Variants in BTBD1 observed in about 807,000 individuals in gnomAD.
The protein encoded by BTBD1 is BTB/POZ domain-containing protein 1.
In BTBD1, 34 loss-of-function variants were observed where a neutral mutation model predicts 48.0. The ratio of observed to expected loss-of-function variants is 0.71; its 90% CI spans 0.54 to 0.94. The LOEUF is 0.94. Among genes scored for constraint, BTBD1 ranks in the 40% least tolerant of loss-of-function variants. The probability of loss-of-function intolerance (pLI) is 0.00; values close to 1 mark genes in which losing one functional copy is unlikely to be tolerated. For synonymous variants in BTBD1, 261 were observed against 242.1 expected, an observed-to-expected ratio of 1.08 and a Z score of -0.72; for missense variants, 543 against 625.6, an observed-to-expected ratio of 0.87 and a Z score of 1.41.
intron 4 of BTBD1, among the ~76,000 whole-genome samples, chr15:83,033,832 C>T (rs941726558): frequency 6.6e-6 from 1 of 152,080 alleles, no homozygotes; most frequent in Non-Finnish European, 1.5e-5. Context: ...CCTGCCTCAG[C>T]CTCCCAAAGT....
At chr15:83,040,424 T>C (rs917023852) in intron 4 of BTBD1, among the ~76,000 whole-genome samples, 1 of 152,150 alleles carries the variant, frequency 6.6e-6, no homozygotes, top group African/African-American at 2.4e-5. Context: ...TCATGAGAGC[T>C]AGGCACAGTG....
intron 4 of BTBD1, among the ~76,000 whole-genome samples, chr15:83,036,007 T>G (rs1383404059): frequency 6.6e-6 from 1 of 151,018 alleles, no homozygotes; most frequent in Non-Finnish European, 1.5e-5. Context: ...CAACCAAGTC[T>G]GATTTACGTA....
chr15:83,040,640 C>T (rs1017413826), intron 4 of BTBD1, among the ~76,000 whole-genome samples: 7 of 134,810 alleles, frequency 5.2e-5, no homozygotes, highest in East Asian at 4.8e-4. Context: ...ATGGACGTTG[C>T]GGTGAGCTGA....
chr15:83,030,102 C>T (rs760474429), intron 5 of BTBD1, 34 bp downstream of exon 5: 1 of 1,594,738 alleles, frequency 6.3e-7, no homozygotes, highest in Non-Finnish European at 8.6e-7. Flanking sequence ...CTGCTACCCC[C>T]ACTCTACCCC....
intron 2 of BTBD1, among the ~76,000 whole-genome samples, chr15:83,056,138 C>A (rs2033077582): frequency 6.6e-6 from 1 of 152,068 alleles, no homozygotes; most frequent in Non-Finnish European, 1.5e-5. Flanking sequence ...CTCCTGACCT[C>A]AAGTGATCTA....
Position 83,048,942 on chromosome 15 carries a change from C to T in BTBD1, c.664+1131G>A, listed in dbSNP as rs538461756. ...GTGGTGGGTTAAATCCAGGAATAAA[C>T]GTTTACAAAGTGAAAATTTTGAGGA... On this transcript the variant is annotated intron_variant, in intron 3 of 7. Coordinates refer to ENST00000261721, the MANE Select transcript of BTBD1 (RefSeq NM_025238.4). Among the ~76,000 whole-genome samples the T allele has an allele frequency of 6.6e-5, 10 of 152,210 alleles. No individual in the cohort carries two copies. In the East Asian group the frequency reaches 1.5e-3, roughly 23 times the overall value.
At chr15:83,049,181 C>T (rs148319534) in intron 3 of BTBD1, among the ~76,000 whole-genome samples, 2 of 152,222 alleles carry the variant, frequency 1.3e-5, no homozygotes, top group African/African-American at 4.8e-5. Flanking sequence ...GAACCAATCC[C>T]ACACAGTACA....
chr15:83,018,575 A>C (rs1300335444), intron 7 of BTBD1, 132 bp downstream of exon 7: 3 of 975,390 alleles, frequency 3.1e-6, no homozygotes, highest in Non-Finnish European at 4.4e-6. Context: ...AAGGCAGTGG[A>C]ATATTTTAGC....
At chr15:83,030,565 G>T in intron 4 of BTBD1, 1 of 417,690 alleles carries the variant, frequency 2.4e-6, no homozygotes, top group Non-Finnish European at 4.3e-6. Context: ...AGGAATAAAT[G>T]CTATTCCTCA....
chr15:83,044,605 G>GAA (rs2032839440), intron 3 of BTBD1: 2 of 1,589,974 alleles, frequency 1.3e-6, no homozygotes, highest in East Asian at 4.5e-5. Context: ...GCTGATGGCA[G>GAA]AAAAACTCAG....
At chr15:83,036,152 C>CAAA (rs2032625351) in intron 4 of BTBD1, among the ~76,000 whole-genome samples, 3 of 51,950 alleles carry the variant, frequency 5.8e-5, no homozygotes, top group South Asian at 4.5e-4. Context: ...TAAAAGAAAG[C>CAAA]AAGAAAGGAA....
intron 6 of BTBD1, among the ~76,000 whole-genome samples, chr15:83,019,441 T>G (rs1279300818): frequency 6.6e-6 from 1 of 151,378 alleles, no homozygotes; most frequent in Non-Finnish European, 1.5e-5. Context: ...TCCTTCCACA[T>G]CGGCCTCCCA....
intron 2 of BTBD1, among the ~76,000 whole-genome samples, chr15:83,052,262 T>C (rs760626504): frequency 6.6e-6 from 1 of 152,244 alleles, no homozygotes; most frequent in East Asian, 1.9e-4. Context: ...TATTTTTTAA[T>C]AGAGACAAGG....
intron 4 of BTBD1, among the ~76,000 whole-genome samples, chr15:83,040,627 G>C (rs916950988): frequency 6.7e-5 from 10 of 149,368 alleles, no homozygotes; most frequent in Non-Finnish European, 1.3e-4. Flanking sequence ...TTGAACCCAG[G>C]AGATGGACGT....
At chr15:83,051,634 A>T (rs1252674961) in intron 2 of BTBD1, among the ~76,000 whole-genome samples, 1 of 151,570 alleles carries the variant, frequency 6.6e-6, no homozygotes, top group Non-Finnish European at 1.5e-5. Flanking sequence ...CTAAATAAAA[A>T]ATTTGTATTA....
chr15:83,051,563 G>A (rs1018094539), intron 2 of BTBD1, among the ~76,000 whole-genome samples: 7 of 150,566 alleles, frequency 4.6e-5, no homozygotes, highest in Non-Finnish European at 1.0e-4. Flanking sequence ...GCACTTCCTA[G>A]ATTATACACT....
At chr15:83,066,712 GGCCCGGCCCGGCCC>G in intron 1 of BTBD1, 25 bp downstream of exon 1, 4 of 1,165,798 alleles carry the variant, frequency 3.4e-6, no homozygotes, top group Non-Finnish European at 4.3e-6. Context: ...GGCCCGGCCC[GGCCCGGCCCGGCCC>G]GGCCCGGCCC....
intron 5 of BTBD1, among the ~76,000 whole-genome samples, chr15:83,024,821 C>G (rs2032372046): frequency 6.6e-6 from 1 of 152,086 alleles, no homozygotes; most frequent in African/African-American, 2.4e-5. Flanking sequence ...AGGCTGCTCT[C>G]AAACCCCTGG....
At chr15:83,044,498 C>T in intron 3 of BTBD1, 1 of 1,578,856 alleles carries the variant, frequency 6.3e-7, no homozygotes, top group South Asian at 1.1e-5. Flanking sequence ...CAGATTGTAT[C>T]ATCACTTGTG....
Sources: allele counts gnomAD v4.1 joint callset (sites outside exome capture counted in the v4.1 genomes callset), GRCh38; gene constraint gnomAD v4.1.1; transcripts MANE v1.5; gene names NCBI Gene and HGNC (gene_info 2026-07-23, HGNC 2026-07-21).